Variants in PCDHA8 observed in about 807,000 individuals in gnomAD.
PCDHA8 encodes the protein protocadherin alpha-8.
PCDHA8 carries 53 observed loss-of-function variants against 61.8 expected under a neutral mutation model. The observed-to-expected ratio is 0.86, with a 90% CI of 0.69 to 1.08. The LOEUF (loss-of-function observed/expected upper bound fraction) is 1.08, where lower values mean the gene tolerates loss of function less well. Among genes scored for constraint, PCDHA8 ranks in the 50% least tolerant of loss-of-function variants. The pLI, the probability that PCDHA8 is intolerant of heterozygous loss-of-function variation, is 0.00. For synonymous variants in PCDHA8, 618 were observed against 556.6 expected (o/e 1.11, Z -1.55); for missense variants, 1,293 against 1,245.0 (o/e 1.04, Z -0.58).
chr5:140,929,330 G>T, intron 1 of PCDHA8: 1 of 1,535,218 alleles, frequency 6.5e-7, no homozygotes. Context: ...GCCATGGTAA[G>T]CAAATTTTAT....
At chr5:140,926,737 C>T (rs2083513630) in intron 1 of PCDHA8, 3 of 1,153,842 alleles carry the variant, frequency 2.6e-6, no homozygotes, top group Non-Finnish European at 3.4e-6. Flanking sequence ...GTTCGGGAGG[C>T]GCAACGTCGG....
At chr5:140,884,519 T>G in intron 1 of PCDHA8, 1 of 1,614,042 alleles carries the variant, frequency 6.2e-7, no homozygotes, top group Non-Finnish European at 8.5e-7. Context: ...TTGGTCGTAC[T>G]CGCAGCAGAG....
chr5:140,921,716 A>C (rs1554200396), intron 1 of PCDHA8, among the ~76,000 whole-genome samples: 1 of 152,202 alleles, frequency 6.6e-6, no homozygotes, highest in Non-Finnish European at 1.5e-5. Context: ...TAAACACACG[A>C]ATTACTCCCA....
chr5:140,932,032 A>G (rs2087965086), intron 1 of PCDHA8, among the ~76,000 whole-genome samples: 1 of 151,934 alleles, frequency 6.6e-6, no homozygotes, highest in African/African-American at 2.4e-5. Context: ...TTTACAGTAT[A>G]TATTAACATA....
chr5:141,002,080 C>A (rs1220737696), intron 3 of PCDHA8, among the ~76,000 whole-genome samples: 1 of 152,236 alleles, frequency 6.6e-6, no homozygotes, highest in Non-Finnish European at 1.5e-5. Context: ...CGCCAAAGAA[C>A]GAGCAGTCCA....
In PCDHA8 at chr5:140,848,677, C is replaced by A. The variant is rs142354028; in HGVS notation, c.2394+4962C>A. 4.6e-4 allele frequency: 738 copies of A among 1,592,248 alleles called. 63 individuals carry two copies. The East Asian group carries it at 6.0e-3, about 13-fold the overall frequency. ...GGGCTGGAGCTGGCGGAGCTGGTGC[C>A]GCGCCTGTTCCAGTTGGATTCCAAA... On this transcript the variant is annotated intron_variant, in intron 1 of 3. Transcript: ENST00000531613.
At chr5:140,882,675 G>C in intron 1 of PCDHA8, 1 of 1,614,218 alleles carries the variant, frequency 6.2e-7, no homozygotes, top group East Asian at 2.2e-5. Flanking sequence ...TTCCCTGAAA[G>C]CAAGAAACGA....
At chr5:140,941,563 C>T (rs2093116700) in intron 1 of PCDHA8, among the ~76,000 whole-genome samples, 1 of 151,946 alleles carries the variant, frequency 6.6e-6, no homozygotes, top group Admixed American at 6.6e-5. Context: ...GATCCATTCG[C>T]CTCAGCCTCC....
At chr5:140,886,680 G>T (rs1554182653) in intron 1 of PCDHA8, among the ~76,000 whole-genome samples, 1 of 151,946 alleles carries the variant, frequency 6.6e-6, no homozygotes, top group Non-Finnish European at 1.5e-5. Context: ...ACAAAAATTA[G>T]CGAGGCATGG....
At chr5:140,880,369 G>A (rs1055944264) in intron 1 of PCDHA8, among the ~76,000 whole-genome samples, 4 of 152,210 alleles carry the variant, frequency 2.6e-5, no homozygotes, top group African/African-American at 9.7e-5. Context: ...TGAAAACCAT[G>A]AGAGAATAGA....
rs2053060094 is a variant in PCDHA8, at chr5:140,871,409, T to A, written c.2394+27694T>A. The A allele has an allele frequency of 6.2e-7, 1 of 1,614,092 alleles. No individual in the cohort carries two copies. Among genetic ancestry groups the A allele is most frequent in the Non-Finnish European group, 8.5e-7 (1 of 1,179,968 alleles). The stretch of plus-strand genomic sequence containing the variant: ...GAGGGCCCACCTAAGACGGACCTCA[T>A]GGCCTTCAGCCCCAGTCTTCCTCTA... On this transcript the variant is annotated intron_variant, in intron 1 of 3. Transcript: ENST00000531613.
intron 1 of PCDHA8, among the ~76,000 whole-genome samples, chr5:140,874,292 G>C (rs1554167129): frequency 2.0e-5 from 3 of 152,146 alleles, no homozygotes; most frequent in Non-Finnish European, 4.4e-5. Context: ...AAATCTATGT[G>C]TACTTGTTCA....
intron 1 of PCDHA8, among the ~76,000 whole-genome samples, chr5:140,886,739 T>C (rs1411142692): frequency 6.6e-6 from 1 of 151,488 alleles, no homozygotes; most frequent in Non-Finnish European, 1.5e-5. Context: ...AGCAAGAGAA[T>C]TGCTTGAACC....
rs2150315739 is a variant in PCDHA8 at position 140,841,449 on chromosome 5, C to T, written c.128C>T (p.Thr43Ile). The T allele has an allele frequency of 5.0e-6, 8 of 1,612,922 alleles. No homozygotes were observed. Among genetic ancestry groups the T allele is most frequent in the South Asian group, 1.1e-5 (1 of 91,022 alleles). ...YSVPEEAKHG[T>I]FVGRIAQDLG... ...GTCCCCGAGGAGGCCAAACACGGCA[C>T]CTTCGTGGGCCGGATCGCGCAGGAC... Residue 43 changes from threonine to isoleucine, a missense_variant, in exon 1 of 4, where the codon ACC (threonine) becomes ATC (isoleucine). Coordinates refer to ENST00000531613, the MANE Select transcript of PCDHA8 (RefSeq NM_018911.3).
rs943336645 is a variant in PCDHA8 at position 140,847,564 on chromosome 5, G to A, written c.2394+3849G>A. On this transcript the variant is annotated intron_variant, in intron 1 of 3. Coordinates refer to ENST00000531613, the MANE Select transcript of PCDHA8 (RefSeq NM_018911.3). ...TAGCTTTAAAAACAGAAATTGCCCC[G>A]AGTACTAAGGATGAGCAATAATGAA... The A allele has an allele frequency of 3.3e-5, 5 of 149,268 alleles. 1 individual carries two copies. The highest frequency in any genetic ancestry group is 1.3e-4 in the Admixed American group (2 of 14,886). The allele number at this position is 149,268 out of a possible 1,614,324, so 9.2% of individuals were successfully genotyped here. A position where few individuals can be genotyped will look rare whatever the true frequency, so the allele number is the denominator to read the frequency against.
At chr5:140,971,372 A>G (rs1554233263) in intron 1 of PCDHA8, among the ~76,000 whole-genome samples, 1 of 152,214 alleles carries the variant, frequency 6.6e-6, no homozygotes, top group Non-Finnish European at 1.5e-5. Flanking sequence ...AGGAGAGTGC[A>G]TGACTTTAAT....
chr5:140,852,129 C>T (rs2042245206), intron 1 of PCDHA8: 2 of 891,056 alleles, frequency 2.2e-6, no homozygotes, highest in South Asian at 5.1e-5. Context: ...ATTAAAAACT[C>T]AGTAGAGAAA....
At chr5:140,943,974 T>G (rs1356208474) in intron 1 of PCDHA8, among the ~76,000 whole-genome samples, 2 of 152,022 alleles carry the variant, frequency 1.3e-5, no homozygotes, top group African/African-American at 4.8e-5. Flanking sequence ...TTAAAGTAAT[T>G]AAGAAAACAG....
In PCDHA8 at chr5:140,850,799, C is replaced by T. The variant is rs2150498794; in HGVS notation, c.2394+7084C>T. On this transcript the variant is annotated intron_variant, in intron 1 of 3. Coordinates refer to ENST00000531613, the MANE Select transcript of PCDHA8 (RefSeq NM_018911.3). ...CTGGCGAGGGTAAGCAGAAGACCGA[C>T]CTCATGGCCTTCAGCCCGGGCCTTT... The T allele has an allele frequency of 1.8e-4, 280 of 1,598,266 alleles. 23 individuals are homozygous for T. The Admixed American group carries it at 4.6e-3, about 26-fold the overall frequency.
Sources: allele counts gnomAD v4.1 joint callset (sites outside exome capture counted in the v4.1 genomes callset), GRCh38; gene constraint gnomAD v4.1.1; transcripts MANE v1.5; gene names NCBI Gene and HGNC (gene_info 2026-07-23, HGNC 2026-07-21).